Variants in NUDT13 observed in about 807,000 individuals in gnomAD.
The protein encoded by NUDT13 is NAD(P)H pyrophosphatase NUDT13, mitochondrial.
Under a neutral mutation model 41.7 loss-of-function variants are expected in NUDT13, and 40 were observed. The observed-to-expected ratio is 0.96, with a 90% CI of 0.75 to 1.25. NUDT13 has a LOEUF of 1.25. NUDT13 is among the 50% of genes most tolerant of loss of function. NUDT13 has a pLI of 0.00. For synonymous variants in NUDT13, 145 were observed against 155.5 expected (o/e 0.93, Z 0.50); for missense variants, 390 against 416.1 (o/e 0.94, Z 0.55).
chr10:73,125,127 C>T lies in NUDT13; in HGVS notation c.475C>T (p.Leu159Phe). 6.2e-7 allele frequency: 1 copy of T among 1,609,164 alleles called. No individual in the cohort carries two copies. Among genetic ancestry groups the T allele is most frequent in the Non-Finnish European group, 8.5e-7 (1 of 1,178,796 alleles). ...ATCATTGTGTTCCTAGGCTCAAGCT[C>T]TTCTCCGCTGGCATGATGCTCATCA... ...DASLLSTAQA[L>F]LRWHDAHQFC... The change falls in exon 6 of 9, where the codon CTT becomes TTT. Residue 159 changes from leucine to phenylalanine, a missense_variant. Transcript: ENST00000357321.
intron 1 of NUDT13, among the ~76,000 whole-genome samples, chr10:73,112,971 T>G (rs1319579976): frequency 6.6e-6 from 1 of 152,240 alleles, no homozygotes; most frequent in East Asian, 1.9e-4. Context: ...CACTGCAACC[T>G]CTGCCTCCTA....
chr10:73,121,603 A>G (rs1392182141), intron 3 of NUDT13, among the ~76,000 whole-genome samples: 1 of 152,116 alleles, frequency 6.6e-6, no homozygotes, highest in Non-Finnish European at 1.5e-5. Context: ...CACATTCTGG[A>G]GGTTAATTAT....
chr10:73,119,079 T>A (rs770674958), intron 2 of NUDT13, among the ~76,000 whole-genome samples: 9 of 152,042 alleles, frequency 5.9e-5, no homozygotes, highest in Admixed American at 1.3e-4. Context: ...GGAGTCTCGC[T>A]CTGTCATCCA....
In NUDT13 at chr10:73,125,501, G is replaced by A. The variant is rs1163360869; in HGVS notation, c.695G>A (p.Cys232Tyr). Residue 232 changes from cysteine to tyrosine, a missense_variant, in exon 7 of 9, where the codon TGT becomes TAT. Cys to Tyr is a radical substitution (Grantham distance 194). Transcript: ENST00000357321. ...KGMYSALAGF[C>Y]DIGESVEETI... Reference sequence around the variant, plus strand: ...ATGTATTCTGCCTTGGCAGGTTTTTGTGATATAGGTGAGGAGTTTAGGGGA... The same window carrying A: ...ATGTATTCTGCCTTGGCAGGTTTTTATGATATAGGTGAGGAGTTTAGGGGA... 1 of 1,588,798 alleles carries A rather than the reference G, an allele frequency of 6.3e-7. No individual in the cohort carries two copies. The highest frequency in any genetic ancestry group is 8.6e-7 in the Non-Finnish European group (1 of 1,166,970).
At chr10:73,116,528 G>A (rs891039030) in intron 2 of NUDT13, among the ~76,000 whole-genome samples, 3 of 152,044 alleles carry the variant, frequency 2.0e-5, no homozygotes, top group African/African-American at 4.8e-5. Flanking sequence ...CAGATCACTC[G>A]AGGTCAGGAG....
rs1842789343 is a variant in NUDT13 at position 73,126,645 on chromosome 10, T to C, written c.704-28T>C. 2.5e-6 allele frequency: 4 copies of C among 1,612,906 alleles called. No individual in the cohort carries two copies. The Admixed American group carries it at 5.0e-5, about 20-fold the overall frequency. On this transcript the variant is annotated intron_variant, in intron 7 of 8. Coordinates refer to ENST00000357321, the MANE Select transcript of NUDT13 (RefSeq NM_015901.6). ...GTATCACCCTTCTAGCCTACAGGGC[T>C]GTCCTGAATTAATCTGAGTGCTTGT...
chr10:73,124,569 T>C, intron 5 of NUDT13: 1 of 432,826 alleles, frequency 2.3e-6, no homozygotes, highest in African/African-American at 2.0e-5. Context: ...GGCAATAGGA[T>C]CTGTCAGCCT....
In NUDT13 at chr10:73,129,167, C is replaced by CTTTTT. The variant is rs900393888; in HGVS notation, c.859-1518_859-1514dup. On this transcript the variant is annotated intron_variant, in intron 8 of 8. Transcript: ENST00000357321. ...AGTTGAAAGAAACTTAAGACGTTGT[C>CTTTTT]TTTTTTTTTTTTTTTTTTTTTTGAG... Among the ~76,000 whole-genome samples, 104 of 110,192 alleles carry CTTTTT rather than the reference C, an allele frequency of 9.4e-4. 1 individual carries two copies. The highest frequency in any genetic ancestry group is 1.3e-3 in the African/African-American group (37 of 27,710). 72.3% of individuals were successfully genotyped at this position (110,192 alleles called of 152,430 possible).
chr10:73,114,370 C>G lies in NUDT13; in HGVS notation c.5C>G (p.Ser2Cys). The change falls in exon 2 of 9, where the codon TCC becomes TGC. Residue 2 changes from serine (S) to cysteine (C), a missense_variant. Ser to Cys is a moderately radical substitution (Grantham distance 112). Coordinates refer to ENST00000357321, the MANE Select transcript of NUDT13 (RefSeq NM_015901.6). The stretch of plus-strand genomic sequence containing the variant: ...TTTTTTTTTAAGGACCTGACAATGT[C>G]CCTGTATTGTGGAATAGCTTGCAGG... M[S>C]LYCGIACRRK... 2 of 1,552,726 alleles carry G rather than the reference C, an allele frequency of 1.3e-6. No individual in the cohort carries two copies. Among genetic ancestry groups the G allele is most frequent in the Non-Finnish European group, 1.8e-6 (2 of 1,137,180 alleles).
chr10:73,125,281 CTG>C (rs1356141961), intron 6 of NUDT13, 38 bp downstream of exon 6: 2 of 1,604,404 alleles, frequency 1.2e-6, no homozygotes, highest in Non-Finnish European at 1.7e-6. Context: ...TCCAAGAAGA[CTG>C]TGCGCTGCTT....
chr10:73,130,574 T>C, intron 8 of NUDT13, 129 bp from the exon 9 acceptor site: 1 of 735,088 alleles, frequency 1.4e-6, no homozygotes, highest in South Asian at 1.7e-5. Flanking sequence ...GACTTTCACC[T>C]AACCTGAAGA....
chr10:73,129,063 G>C (rs1842855384), intron 8 of NUDT13, among the ~76,000 whole-genome samples: 1 of 151,868 alleles, frequency 6.6e-6, no homozygotes, highest in Non-Finnish European at 1.5e-5. Context: ...ATCATTTAAT[G>C]ACTGACTGCA....
chr10:73,125,046 T>C lies in NUDT13; in HGVS notation c.466-72T>C, dbSNP rs1250210055. 4 of 1,504,940 alleles carry C rather than the reference T, an allele frequency of 2.7e-6. No homozygotes were observed. In the African/African-American group the frequency reaches 4.2e-5, roughly 16 times the overall value. The allele number at this position is 1,504,940 out of a possible 1,614,324, so 93.2% of individuals were successfully genotyped here. A position where few individuals can be genotyped will look rare whatever the true frequency, so the allele number is the denominator to read the frequency against. ...TTTTTCTGTGAGTTGTTCCAGACAC[T>C]AGGCCCAGTGCTGTTAAAGATGAGC... On this transcript the variant is annotated intron_variant, in intron 5 of 8. Coordinates refer to ENST00000357321, the MANE Select transcript of NUDT13 (RefSeq NM_015901.6).
intron 2 of NUDT13, among the ~76,000 whole-genome samples, chr10:73,119,193 G>A (rs894490481): frequency 7.6e-4 from 116 of 151,682 alleles, no homozygotes; most frequent in African/African-American, 2.0e-3. Context: ...CTACAGGTGC[G>A]TGCCACCATG....
At chr10:73,124,913 T>G (rs895322946) in intron 5 of NUDT13, 2 of 502,924 alleles carry the variant, frequency 4.0e-6, no homozygotes, top group Admixed American at 3.8e-5. Flanking sequence ...AAAATATGCT[T>G]TCTTTTATTC....
At chr10:73,128,689 G>A (rs2133233115) in intron 8 of NUDT13, among the ~76,000 whole-genome samples, 1 of 152,242 alleles carries the variant, frequency 6.6e-6, no homozygotes, top group South Asian at 2.1e-4. Flanking sequence ...TCTGCAGGTT[G>A]TCTCTTCACT....
rs1842336888 is a variant in NUDT13 at position 73,110,461 on chromosome 10, A to G, written c.-116A>G. On this transcript the variant is annotated 5_prime_UTR_variant, in exon 1 of 9. Transcript: ENST00000357321. ...GGATTCTGGGAAGTGTGGCAGAAGC[A>G]GCAATGGTCCCTCCAGGGAACGGAA... 6.6e-6 allele frequency: 1 copy of G among 152,214 alleles called. No homozygotes were observed. The highest frequency in any genetic ancestry group is 2.4e-5 in the African/African-American group (1 of 41,448). The allele number at this position is 152,214 out of a possible 1,614,324, so 9.4% of individuals were successfully genotyped here. A position where few individuals can be genotyped will look rare whatever the true frequency, so the allele number is the denominator to read the frequency against.
At chr10:73,129,295 C>T (rs1191090303) in intron 8 of NUDT13, among the ~76,000 whole-genome samples, 1 of 151,564 alleles carries the variant, frequency 6.6e-6, no homozygotes, top group African/African-American at 2.4e-5. Flanking sequence ...GCCTCAGCCT[C>T]CCGAGTGGCT....
At position 73,126,870 on chromosome 10, in the gene NUDT13, T is replaced by C. The variant is rs762746104; in HGVS notation, c.858+43T>C. The stretch of plus-strand genomic sequence containing the variant: ...CTTATACTGTGATATTTCTTTTGCT[T>C]CATCCAACCTGCTCATCAGCAAGTA... On this transcript the variant is annotated intron_variant, in intron 8 of 8. Transcript: ENST00000357321. 7 of 1,546,890 alleles carry C rather than the reference T, an allele frequency of 4.5e-6. 1 individual carries two copies. In the South Asian group the frequency reaches 7.8e-5, roughly 17 times the overall value.
Sources: allele counts gnomAD v4.1 joint callset (sites outside exome capture counted in the v4.1 genomes callset), GRCh38; gene constraint gnomAD v4.1.1; transcripts MANE v1.5; gene names NCBI Gene and HGNC (gene_info 2026-07-23, HGNC 2026-07-21).